The following CPB2 variants were observed in gnomAD, a reference collection of about 807,000 sequenced individuals.
CPB2 encodes carboxypeptidase B-like protein.
CPB2 carries 54 observed loss-of-function variants against 57.0 expected under a neutral mutation model. The ratio of observed to expected loss-of-function variants is 0.95; its 90% CI spans 0.76 to 1.19. The LOEUF (loss-of-function observed/expected upper bound fraction) is 1.19. Ranked by LOEUF, CPB2 falls within the 50% of genes most tolerant of loss-of-function variation. The pLI, the probability that CPB2 is intolerant of heterozygous loss-of-function variation, is 0.00. For synonymous variants in CPB2, 189 were observed against 178.1 expected (o/e 1.06, Z -0.49); for missense variants, 426 against 512.0 (o/e 0.83, Z 1.62).
intron 9 of CPB2, among the ~76,000 whole-genome samples, chr13:46,057,593 G>C (rs979481173): frequency 2.0e-5 from 3 of 152,120 alleles, no homozygotes; most frequent in African/African-American, 7.2e-5. Flanking sequence ...CAGTATCTTG[G>C]ACTAAAAAGT....
At chr13:46,075,427 T>G (rs964046846) in intron 5 of CPB2, among the ~76,000 whole-genome samples, 3 of 152,222 alleles carry the variant, frequency 2.0e-5, no homozygotes, top group Non-Finnish European at 2.9e-5. Flanking sequence ...ACATCCTTGA[T>G]CAAGTAAGAG....
chr13:46,086,328 G>GAC (rs1015723850), intron 2 of CPB2, among the ~76,000 whole-genome samples: 1 of 152,144 alleles, frequency 6.6e-6, no homozygotes, highest in African/African-American at 2.4e-5. Context: ...GACGTACGTG[G>GAC]ACAAGCGGAG....
chr13:46,076,599 A>G (rs2045026229), intron 5 of CPB2, among the ~76,000 whole-genome samples: 2 of 152,150 alleles, frequency 1.3e-5, no homozygotes, highest in Admixed American at 1.3e-4. Context: ...TGTCAATATC[A>G]ATATACTCTT....
intron 6 of CPB2, among the ~76,000 whole-genome samples, chr13:46,068,104 C>T (rs1323555038): frequency 6.6e-6 from 1 of 152,176 alleles, no homozygotes; most frequent in Non-Finnish European, 1.5e-5. Context: ...ACTATAAAGA[C>T]AAATTTTAGC....
At chr13:46,089,666 TAG>T (rs899128800) in intron 1 of CPB2, among the ~76,000 whole-genome samples, 7 of 152,156 alleles carry the variant, frequency 4.6e-5, no homozygotes, top group African/African-American at 1.4e-4. Context: ...GGGAGGTGAT[TAG>T]GTCATAAGGG....
In CPB2 at chr13:46,078,767, A is replaced by G. The variant is rs771253203; in HGVS notation, c.486+33T>C. The G allele has an allele frequency of 6.0e-6, 8 of 1,335,058 alleles. No homozygotes were observed. In the Admixed American group the frequency reaches 1.4e-4, roughly 23 times the overall value. The allele number at this position is 1,335,058 out of a possible 1,614,324, so 82.7% of individuals were successfully genotyped here. A position where few individuals can be genotyped will look rare whatever the true frequency, so the allele number is the denominator to read the frequency against. On this transcript the variant is annotated intron_variant, in intron 5 of 10. Transcript: ENST00000181383. The stretch of plus-strand genomic sequence containing the variant: ...CTGGAGAATTAATCCCTCCCCTCAC[A>G]GTGAAAGATCAACAACTTTCCCCAC...
At chr13:46,071,773 C>G (rs1400186796) in intron 6 of CPB2, among the ~76,000 whole-genome samples, 1 of 152,156 alleles carries the variant, frequency 6.6e-6, no homozygotes, top group Non-Finnish European at 1.5e-5. Flanking sequence ...AAAAGAGCAG[C>G]CCCTCTACTT....
intron 1 of CPB2, among the ~76,000 whole-genome samples, chr13:46,090,392 T>C: frequency 6.8e-6 from 1 of 146,628 alleles, no homozygotes; most frequent in East Asian, 2.0e-4. Context: ...AGATGGAGTC[T>C]CACTCTGTCA....
chr13:46,060,537 ATCATT>A (rs1215117925), intron 8 of CPB2, among the ~76,000 whole-genome samples: 1 of 152,334 alleles, frequency 6.6e-6, no homozygotes, highest in East Asian at 1.9e-4. Flanking sequence ...TGTACAAAGT[ATCATT>A]TCAAGTGTAA....
rs1593910449 is a variant in CPB2, at chr13:46,086,939, A to G, written c.150+806T>C. On this transcript the variant is annotated intron_variant, in intron 2 of 10. Coordinates refer to ENST00000181383, the MANE Select transcript of CPB2 (RefSeq NM_001872.5). Reference sequence around the variant, plus strand: ...TAGGCTCAGCCTCAATTTTGCTCCAAGATTGGAGTGAGCACCAGGAACTCG... The same window carrying G: ...TAGGCTCAGCCTCAATTTTGCTCCAGGATTGGAGTGAGCACCAGGAACTCG... Among the ~76,000 whole-genome samples, 3 of 152,360 alleles carry G rather than the reference A, an allele frequency of 2.0e-5. No homozygotes were observed. In the South Asian group the frequency reaches 6.2e-4, roughly 32 times the overall value.
At chr13:46,085,082 C>T (rs1345895574) in intron 2 of CPB2, among the ~76,000 whole-genome samples, 2 of 152,086 alleles carry the variant, frequency 1.3e-5, no homozygotes, top group Non-Finnish European at 2.9e-5. Flanking sequence ...GATCTCCTGA[C>T]CTCGTGATCC....
intron 1 of CPB2, among the ~76,000 whole-genome samples, chr13:46,090,826 C>A (rs1181808342): frequency 6.6e-6 from 1 of 151,136 alleles, no homozygotes; most frequent in Admixed American, 6.6e-5. Context: ...CTGGTTCAAG[C>A]GATTTTCCTG....
intron 10 of CPB2, among the ~76,000 whole-genome samples, chr13:46,055,253 C>T (rs1439456030): frequency 2.6e-5 from 4 of 152,054 alleles, no homozygotes; most frequent in Admixed American, 1.3e-4. Flanking sequence ...TATCTTTCAG[C>T]AAAAATTAAT....
intron 1 of CPB2, chr13:46,099,411 C>T (rs761885595): frequency 4.6e-5 from 7 of 152,174 alleles, no homozygotes; most frequent in African/African-American, 1.7e-4. Flanking sequence ...ATGTGGCAAA[C>T]TCAAAGCTTC....
chr13:46,066,377 C>G (rs1011760048), intron 7 of CPB2, among the ~76,000 whole-genome samples: 2 of 151,892 alleles, frequency 1.3e-5, no homozygotes, highest in Non-Finnish European at 2.9e-5. Flanking sequence ...TTAGCAAATC[C>G]TGATAATGGG....
chr13:46,079,227 C>T (rs2045069907), intron 4 of CPB2, among the ~76,000 whole-genome samples: 1 of 152,126 alleles, frequency 6.6e-6, no homozygotes, highest in African/African-American at 2.4e-5. Flanking sequence ...GTATGAAATT[C>T]TTGTTCTCAT....
rs561644202 is a variant in CPB2, at chr13:46,093,423, C to T, written c.75-5603G>A. On this transcript the variant is annotated intron_variant, in intron 1 of 10. Coordinates refer to ENST00000181383, the MANE Select transcript of CPB2 (RefSeq NM_001872.5). ...GATACATGTTCAAGGATGTGTATTACGGCATTATTCATAGTAACAAAACCT... is the reference window on the plus strand; with the variant it reads ...GATACATGTTCAAGGATGTGTATTATGGCATTATTCATAGTAACAAAACCT... Among the ~76,000 whole-genome samples, 240 of 152,290 alleles carry T rather than the reference C, an allele frequency of 1.6e-3. 1 individual carries two copies. The highest frequency in any genetic ancestry group is 5.2e-3 in the African/African-American group (217 of 41,562).
At chr13:46,089,025 A>G (rs1042189085) in intron 1 of CPB2, among the ~76,000 whole-genome samples, 2 of 150,912 alleles carry the variant, frequency 1.3e-5, no homozygotes, top group African/African-American at 2.4e-5. Flanking sequence ...GTGTGGTTTA[A>G]GATGTCTTTC....
intron 5 of CPB2, among the ~76,000 whole-genome samples, chr13:46,075,410 T>A (rs2045007062): frequency 6.6e-6 from 1 of 152,216 alleles, no homozygotes; most frequent in Admixed American, 6.5e-5. Flanking sequence ...AGACTCACAT[T>A]ATCTGCACAT....
Sources: gnomAD v4.1 joint callset for allele counts (sites outside exome capture counted in the v4.1 genomes callset) on GRCh38, gnomAD v4.1.1 for gene constraint, MANE v1.5 for transcripts, NCBI Gene and HGNC (gene_info 2026-07-23, HGNC 2026-07-21) for gene names.